B3GALT1: variants seen among roughly 807,000 people sequenced by gnomAD.
B3GALT1 encodes the protein UDP-Gal:betaGlcNAc beta 1,3-galactosyltransferase, polypeptide 1.
In B3GALT1, 10 loss-of-function variants were observed where a neutral mutation model predicts 23.2. The ratio of observed to expected loss-of-function variants is 0.43; its 90% CI spans 0.27 to 0.73. The LOEUF is 0.73. Ranked by LOEUF, B3GALT1 falls within the 30% of genes least tolerant of loss-of-function variation. B3GALT1 has a pLI of 0.21. For missense variants in B3GALT1, 299 were observed against 405.4 expected (o/e 0.74, Z 2.25); for synonymous variants, 156 against 141.5 (o/e 1.10, Z -0.73).
chr2:167,300,641 T>C (rs1181614486), intron 1 of B3GALT1, among the ~76,000 whole-genome samples: 1 of 152,104 alleles, frequency 6.6e-6, no homozygotes, highest in African/African-American at 2.4e-5. Context: ...TAAAGCACAG[T>C]ATGAAATAAT....
At chr2:167,526,386 A>C (rs1683220911) in intron 2 of B3GALT1, among the ~76,000 whole-genome samples, 1 of 152,158 alleles carries the variant, frequency 6.6e-6, no homozygotes, top group Admixed American at 6.6e-5. Flanking sequence ...ACATCCGTTT[A>C]CTTATTCATT....
chr2:167,506,325 G>T (rs1401877620), intron 2 of B3GALT1, among the ~76,000 whole-genome samples: 2 of 152,146 alleles, frequency 1.3e-5, no homozygotes, highest in East Asian at 3.9e-4. Context: ...TTTAATATCT[G>T]TTCAATGAAT....
At chr2:167,538,594 C>A (rs557504328) in intron 2 of B3GALT1, among the ~76,000 whole-genome samples, 88 of 152,196 alleles carry the variant, frequency 5.8e-4, no homozygotes, top group African/African-American at 2.1e-3. Flanking sequence ...CTTTGAATCA[C>A]CCTGGGTGGA....
rs530463434 is a variant in B3GALT1 at position 167,342,083 on chromosome 2, T to G, written c.-511+48749T>G. On this transcript the variant is annotated intron_variant, in intron 1 of 4. Coordinates refer to ENST00000392690, the MANE Select transcript of B3GALT1 (RefSeq NM_020981.4). Reference sequence around the variant, plus strand: ...CTCAGCAGAGAAATAACTAAAATAATCACAGTTATAAAGTCTTTGAAGGCA... The same window carrying G: ...CTCAGCAGAGAAATAACTAAAATAAGCACAGTTATAAAGTCTTTGAAGGCA... 2.6e-5 allele frequency among the ~76,000 whole-genome samples: 4 copies of G among 152,246 alleles called. No individual in the cohort carries two copies. In the South Asian group the frequency reaches 8.3e-4, roughly 32 times the overall value.
intron 1 of B3GALT1, among the ~76,000 whole-genome samples, chr2:167,399,897 C>A (rs1202909392): frequency 6.6e-6 from 1 of 152,010 alleles, no homozygotes; most frequent in Non-Finnish European, 1.5e-5. Context: ...GAATTAAAGA[C>A]TAAAAAAGTA....
chr2:167,751,380 T>G (rs1217543923), intron 3 of B3GALT1, among the ~76,000 whole-genome samples: 1 of 152,216 alleles, frequency 6.6e-6, no homozygotes, highest in Non-Finnish European at 1.5e-5. Flanking sequence ...CAGATGAGAT[T>G]GGACAGAGGC....
chr2:167,515,990 A>G (rs573822571), intron 2 of B3GALT1, among the ~76,000 whole-genome samples: 56 of 152,106 alleles, frequency 3.7e-4, no homozygotes, highest in Non-Finnish European at 6.9e-4. Flanking sequence ...TTCTGAAGCA[A>G]GGATTAGGCA....
chr2:167,824,519 G>C (rs1689174450), intron 4 of B3GALT1, among the ~76,000 whole-genome samples: 1 of 152,226 alleles, frequency 6.6e-6, no homozygotes, highest in African/African-American at 2.4e-5. Flanking sequence ...ATTAGGTACA[G>C]AGTTAAGAGG....
chr2:167,626,909 A>T (rs1026747432), intron 2 of B3GALT1, among the ~76,000 whole-genome samples: 1 of 151,690 alleles, frequency 6.6e-6, no homozygotes, highest in African/African-American at 2.4e-5. Context: ...AAGTCTCTTG[A>T]TCCTAAAACT....
At chr2:167,800,936 A>C (rs1183340294) in intron 3 of B3GALT1, among the ~76,000 whole-genome samples, 1 of 152,212 alleles carries the variant, frequency 6.6e-6, no homozygotes, top group Admixed American at 6.5e-5. Context: ...CTAAACACCC[A>C]TGTTTGGAAA....
At position 167,531,903 on chromosome 2, in the gene B3GALT1, A is replaced by T. The variant is rs528217925; in HGVS notation, c.-410+41626A>T. ...GCTCAATGGGTTTTTTCTGCACAAA[A>T]CATTTAAATTATTTTTTGGATAAGT... On this transcript the variant is annotated intron_variant, in intron 2 of 4. Transcript: ENST00000392690. Among the ~76,000 whole-genome samples the T allele has an allele frequency of 3.3e-5, 5 of 152,290 alleles. No homozygotes were observed. The East Asian group carries it at 5.8e-4, about 18-fold the overall frequency.
At chr2:167,469,167 A>T (rs1194026763) in intron 1 of B3GALT1, among the ~76,000 whole-genome samples, 5 of 152,178 alleles carry the variant, frequency 3.3e-5, no homozygotes, top group African/African-American at 7.2e-5. Flanking sequence ...GAGAAGCAGC[A>T]TGGTGTGGTG....
At chr2:167,663,979 G>C (rs1686123927) in intron 3 of B3GALT1, among the ~76,000 whole-genome samples, 1 of 151,196 alleles carries the variant, frequency 6.6e-6, no homozygotes, top group African/African-American at 2.4e-5. Flanking sequence ...GATCCCATTT[G>C]TCAATTTTGG....
intron 3 of B3GALT1, among the ~76,000 whole-genome samples, chr2:167,738,569 T>A (rs1687527286): frequency 2.0e-5 from 3 of 152,184 alleles, no homozygotes; most frequent in African/African-American, 7.2e-5. Context: ...TTTTTCCTCT[T>A]TCAATCTCAA....
At chr2:167,428,412 C>A (rs1220107669) in intron 1 of B3GALT1, among the ~76,000 whole-genome samples, 1 of 152,142 alleles carries the variant, frequency 6.6e-6, no homozygotes, top group Non-Finnish European at 1.5e-5. Context: ...TAGCAGCTTA[C>A]GCCAGTTATT....
At chr2:167,358,839 T>C (rs1370713544) in intron 1 of B3GALT1, among the ~76,000 whole-genome samples, 2 of 152,176 alleles carry the variant, frequency 1.3e-5, no homozygotes, top group Non-Finnish European at 2.9e-5. Flanking sequence ...AATCCTGCTC[T>C]GTCACCAGGC....
At chr2:167,355,946 G>C (rs1697393908) in intron 1 of B3GALT1, among the ~76,000 whole-genome samples, 1 of 152,124 alleles carries the variant, frequency 6.6e-6, no homozygotes, top group Non-Finnish European at 1.5e-5. Flanking sequence ...GTTTCAATAT[G>C]GAAGAAAGAG....
In B3GALT1 at chr2:167,431,230, C is replaced by T. The variant is rs971180646; in HGVS notation, c.-510-58947C>T. 1.2e-3 allele frequency among the ~76,000 whole-genome samples: 178 copies of T among 152,164 alleles called. 1 individual carries two copies. The highest frequency in any genetic ancestry group is 4.4e-5 in the Non-Finnish European group (3 of 68,008). ...CAGATTTAATATTTTCCTCAGAAAA[C>T]AATACTTAGGTAAATGGGAAAATAA... is the stretch of plus-strand genomic sequence containing the variant. On this transcript the variant is annotated intron_variant, in intron 1 of 4. Transcript: ENST00000392690.
chr2:167,489,507 G>A (rs1405374595), intron 1 of B3GALT1, among the ~76,000 whole-genome samples: 4 of 152,172 alleles, frequency 2.6e-5, no homozygotes, highest in Admixed American at 2.0e-4. Flanking sequence ...AGAACAGTCT[G>A]TGATCAACTG....
Sources: allele counts gnomAD v4.1 joint callset (sites outside exome capture counted in the v4.1 genomes callset), GRCh38; gene constraint gnomAD v4.1.1; transcripts MANE v1.5; gene names NCBI Gene and HGNC (gene_info 2026-07-23, HGNC 2026-07-21).